Variants in SYTL5 observed in about 807,000 individuals in gnomAD.
SYTL5 encodes the protein synaptotagmin like 5.
A neutral mutation model predicts 55.9 loss-of-function variants in SYTL5; 34 were observed. That is an observed-to-expected ratio of 0.61 (90% CI 0.46 to 0.81). The LOEUF (loss-of-function observed/expected upper bound fraction) is 0.81, where lower values mean the gene tolerates loss of function less well. SYTL5 is among the 30% of genes least tolerant of loss of function. The pLI, the probability that SYTL5 is intolerant of heterozygous loss-of-function variation, is 0.00. For synonymous variants in SYTL5, 221 were observed against 188.7 expected, an observed-to-expected ratio of 1.17 and a Z score of -1.40; for missense variants, 637 against 546.7, an observed-to-expected ratio of 1.17 and a Z score of -1.65.
chrX:38,104,347 G>T (rs1937154760), intron 10 of SYTL5, among the ~76,000 whole-genome samples: 1 of 111,677 alleles, frequency 9.0e-6, no homozygotes, highest in South Asian at 3.7e-4. Context: ...GAGTTTGTTA[G>T]AACAGCCAAA....
the SYTL5 span, among the ~76,000 whole-genome samples, chrX:37,967,426 T>A: frequency 8.9e-6 from 1 of 111,806 alleles, no homozygotes; most frequent in Admixed American, 9.5e-5. Context: ...CCTCTGATAC[T>A]CTAATTGAAT....
the SYTL5 span, among the ~76,000 whole-genome samples, chrX:37,895,488 TTTTC>T: frequency 1.5e-3 from 124 of 83,490 alleles, no homozygotes; most frequent in Admixed American, 2.8e-3. Flanking sequence ...CTCTCTCTTT[TTTTC>T]TTTCTTTCTT....
intron 2 of SYTL5, 131 bp from the exon 3 acceptor site, chrX:38,054,082 G>A: frequency 2.1e-6 from 1 of 481,463 alleles, no homozygotes; most frequent in Non-Finnish European, 3.5e-6. Context: ...GAGATTGCAT[G>A]GTGGTCCCCA....
chrX:37,935,453 A>G, the SYTL5 span, among the ~76,000 whole-genome samples: 1 of 112,392 alleles, frequency 8.9e-6, no homozygotes. Context: ...ACATATATAA[A>G]GTATAGCATA....
At chrX:37,978,169 T>C in the SYTL5 span, among the ~76,000 whole-genome samples, 33 of 111,299 alleles carry the variant, frequency 3.0e-4, no homozygotes, top group African/African-American at 9.8e-4. Flanking sequence ...GGCAAATACC[T>C]GGGCAAACGA....
At chrX:37,937,201 A>G in the SYTL5 span, among the ~76,000 whole-genome samples, 1 of 110,993 alleles carries the variant, frequency 9.0e-6, no homozygotes, top group Non-Finnish European at 1.9e-5. Flanking sequence ...GTCTTGTTAC[A>G]GCTGTGTTAC....
chrX:37,974,814 C>G, the SYTL5 span, among the ~76,000 whole-genome samples: 3 of 112,241 alleles, frequency 2.7e-5, no homozygotes, highest in Non-Finnish European at 5.6e-5. Context: ...ATAGGCAACT[C>G]TTCCACTGAA....
chrX:38,042,248 A>G (rs1569165341), intron 2 of SYTL5, among the ~76,000 whole-genome samples: 1 of 110,566 alleles, frequency 9.0e-6, no homozygotes. Context: ...GAGAGAGTCT[A>G]TATAAAGAGA....
Position 38,064,483 on chromosome X carries a change from T to C in SYTL5, c.330-7564T>C, listed in dbSNP as rs376847404. 2.3e-4 allele frequency among the ~76,000 whole-genome samples: 26 copies of C among 111,712 alleles called. 1 individual carries two copies. The East Asian group carries it at 3.3e-3, about 14-fold the overall frequency. On this transcript the variant is annotated intron_variant, in intron 3 of 16. Coordinates refer to ENST00000297875, the MANE Select transcript of SYTL5 (RefSeq NM_138780.3). ...TATTTATTAGCTTTTTGTGGTTCTT[T>C]TTCTGTGATATGAGTATTTATGTGT... is the stretch of plus-strand genomic sequence containing the variant.
intron 2 of SYTL5, among the ~76,000 whole-genome samples, chrX:38,051,921 A>G (rs1028209419): frequency 2.7e-5 from 3 of 111,534 alleles, no homozygotes; most frequent in Non-Finnish European, 5.6e-5. Context: ...TCTGGCTCCA[A>G]GGGGAAGTGA....
chrX:37,953,381 A>G, the SYTL5 span, among the ~76,000 whole-genome samples: 4 of 111,742 alleles, frequency 3.6e-5, no homozygotes, highest in African/African-American at 1.3e-4. Flanking sequence ...GGAAAAGTCA[A>G]CAAATAAGAA....
chrX:37,951,049 A>G, the SYTL5 span, among the ~76,000 whole-genome samples: 1 of 49,885 alleles, frequency 2.0e-5, no homozygotes, highest in Non-Finnish European at 4.1e-5. Flanking sequence ...ACGAGGAATA[A>G]AAAAAAAAAA....
chrX:38,089,299 A>G, intron 6 of SYTL5, 147 bp from the exon 7 acceptor site: 1 of 622,774 alleles, frequency 1.6e-6, no homozygotes, highest in Non-Finnish European at 2.4e-6. Flanking sequence ...AGGTAACATG[A>G]TAGTTTCTAA....
the SYTL5 span, among the ~76,000 whole-genome samples, chrX:37,988,094 C>A: frequency 7.1e-3 from 789 of 111,884 alleles, 5 homozygotes; most frequent in Non-Finnish European, 0.011. Flanking sequence ...GGAGATTATT[C>A]TGTATTATCT....
the SYTL5 span, among the ~76,000 whole-genome samples, chrX:37,964,298 C>T: frequency 7.6e-4 from 85 of 112,046 alleles, no homozygotes; most frequent in African/African-American, 2.7e-3. Context: ...CCCTCTAGAA[C>T]TGTGAGAAAT....
chrX:37,981,957 C>A, the SYTL5 span, among the ~76,000 whole-genome samples: 1 of 111,527 alleles, frequency 9.0e-6, no homozygotes, highest in Non-Finnish European at 1.9e-5. Flanking sequence ...GGGACCAATA[C>A]CCAGAGTTGC....
intron 8 of SYTL5, among the ~76,000 whole-genome samples, chrX:38,094,960 T>C (rs1470784596): frequency 2.7e-5 from 3 of 112,122 alleles, no homozygotes; most frequent in Non-Finnish European, 1.9e-5. Context: ...CTGAAGCAGC[T>C]ATTATTCATT....
the SYTL5 span, among the ~76,000 whole-genome samples, chrX:37,982,913 G>A: frequency 1.8e-5 from 2 of 110,909 alleles, no homozygotes; most frequent in Admixed American, 1.9e-4. Flanking sequence ...ATAATAATAA[G>A]ACCATAAAAA....
At chrX:37,917,810 C>G in the SYTL5 span, among the ~76,000 whole-genome samples, 1 of 111,530 alleles carries the variant, frequency 9.0e-6, no homozygotes, top group Non-Finnish European at 1.9e-5. Context: ...AGGAAAGGGA[C>G]AGCAGGGCAA....
Sources: allele counts gnomAD v4.1 joint callset (sites outside exome capture counted in the v4.1 genomes callset), GRCh38; gene constraint gnomAD v4.1.1; transcripts MANE v1.5; gene names NCBI Gene and HGNC (gene_info 2026-07-23, HGNC 2026-07-21).